The following GMDS variants were observed in gnomAD, a reference collection of about 807,000 sequenced individuals.
GMDS encodes the protein GDP-mannose 4,6 dehydratase.
GMDS carries 20 observed loss-of-function variants against 49.9 expected under a neutral mutation model. The observed-to-expected ratio is 0.40, with a 90% CI of 0.28 to 0.58. The LOEUF (loss-of-function observed/expected upper bound fraction) is 0.58, where lower values mean the gene tolerates loss of function less well. Among genes scored for constraint, GMDS ranks in the 20% least tolerant of loss-of-function variants. The pLI is 0.42. For synonymous variants in GMDS, 177 were observed against 178.6 expected, an observed-to-expected ratio of 0.99 and a Z score of 0.07; for missense variants, 362 against 481.4, an observed-to-expected ratio of 0.75 and a Z score of 2.32.
intron 4 of GMDS, among the ~76,000 whole-genome samples, chr6:1,963,366 T>A (rs1334022689): frequency 6.6e-6 from 1 of 152,214 alleles, no homozygotes; most frequent in South Asian, 2.1e-4. Flanking sequence ...GTCTTTTCAC[T>A]TCTTACAGGT....
intron 7 of GMDS, among the ~76,000 whole-genome samples, chr6:1,747,230 T>G (rs3800034): frequency 0.42 from 64,467 of 151,844 alleles, 14,309 homozygotes; most frequent in East Asian, 0.65. Context: ...GCATGCCTTC[T>G]GTGGTGGGAT....
intron 4 of GMDS, among the ~76,000 whole-genome samples, chr6:2,065,418 A>T (rs542960711): frequency 6.6e-6 from 1 of 152,282 alleles, no homozygotes; most frequent in African/African-American, 2.4e-5. Context: ...ACAAAGCTGG[A>T]TGGAGAATGA....
At chr6:1,817,715 T>C (rs567260845) in intron 7 of GMDS, among the ~76,000 whole-genome samples, 2 of 152,290 alleles carry the variant, frequency 1.3e-5, no homozygotes, top group South Asian at 4.2e-4. Context: ...TGAAGCTGGG[T>C]CAGGAGCACC....
rs1767620177 is a variant in GMDS, at chr6:1,748,976, CTTA to C, written c.772-6393_772-6391del. 2.6e-5 allele frequency among the ~76,000 whole-genome samples: 4 copies of C among 152,270 alleles called. No individual in the cohort carries two copies. The Middle Eastern group carries it at 0.01, about 388-fold the overall frequency. ...TAGATTCTGGGGTAGTGCCTTTCTA[CTTA>C]TTATTATACTTGAACAAGGCTGGCT... On this transcript the variant is annotated intron_variant, in intron 7 of 10. Coordinates refer to ENST00000380815, the MANE Select transcript of GMDS (RefSeq NM_001500.4).
At chr6:1,700,426 G>A (rs1243455017) in intron 9 of GMDS, among the ~76,000 whole-genome samples, 1 of 152,162 alleles carries the variant, frequency 6.6e-6, no homozygotes, top group Admixed American at 6.5e-5. Context: ...ACTGAAAGCA[G>A]GAGGGAAGGG....
intron 1 of GMDS, among the ~76,000 whole-genome samples, chr6:2,215,420 G>A (rs1780281443): frequency 6.6e-6 from 1 of 152,034 alleles, no homozygotes; most frequent in Admixed American, 6.6e-5. Flanking sequence ...AAGCAAAAGG[G>A]TTTCCCTTTA....
chr6:1,846,213 C>T (rs1303517117), intron 7 of GMDS, among the ~76,000 whole-genome samples: 1 of 152,000 alleles, frequency 6.6e-6, no homozygotes, highest in Non-Finnish European at 1.5e-5. Context: ...CCACCACAGC[C>T]TCCCAAGTAG....
chr6:2,161,557 TG>T (rs1460417147), intron 1 of GMDS, among the ~76,000 whole-genome samples: 8 of 152,236 alleles, frequency 5.3e-5, no homozygotes, highest in Non-Finnish European at 1.0e-4. Flanking sequence ...TGTTTCAATT[TG>T]GGTGTACTTG....
At chr6:1,880,738 A>G (rs1402276958) in intron 7 of GMDS, among the ~76,000 whole-genome samples, 3 of 152,230 alleles carry the variant, frequency 2.0e-5, no homozygotes, top group Non-Finnish European at 4.4e-5. Flanking sequence ...ACTAACCTCC[A>G]TTAATATACT....
chr6:1,748,392 TA>T (rs1346427680), intron 7 of GMDS, among the ~76,000 whole-genome samples: 1 of 152,230 alleles, frequency 6.6e-6, no homozygotes, highest in Non-Finnish European at 1.5e-5. Flanking sequence ...ACCTCCGAGC[TA>T]ATCATTTTTG....
chr6:1,801,260 T>A (rs183288519), intron 7 of GMDS, among the ~76,000 whole-genome samples: 1 of 152,332 alleles, frequency 6.6e-6, no homozygotes, highest in Admixed American at 6.5e-5. Context: ...CATTTCCAGT[T>A]TGTTCATGAG....
At chr6:1,852,859 A>AC (rs1176391084) in intron 7 of GMDS, among the ~76,000 whole-genome samples, 1 of 151,852 alleles carries the variant, frequency 6.6e-6, no homozygotes, top group Non-Finnish European at 1.5e-5. Flanking sequence ...GGCATGCGCC[A>AC]CCACGCCCGG....
chr6:2,053,848 T>TA (rs960934428), intron 4 of GMDS, among the ~76,000 whole-genome samples: 1 of 152,106 alleles, frequency 6.6e-6, no homozygotes, highest in Admixed American at 6.5e-5. Context: ...AGGTTAACAT[T>TA]ATGTTAACTA....
chr6:1,835,351 C>T (rs1008257461), intron 7 of GMDS, among the ~76,000 whole-genome samples: 5 of 152,122 alleles, frequency 3.3e-5, no homozygotes, highest in African/African-American at 4.8e-5. Flanking sequence ...TGGAAGGAGG[C>T]GGCTTTGCTC....
rs371741847 is a variant in GMDS, at chr6:1,944,374, G to A, written c.644-14144C>T. Among the ~76,000 whole-genome samples, 222 of 152,182 alleles carry A rather than the reference G, an allele frequency of 1.5e-3. 1 individual carries two copies. The highest frequency in any genetic ancestry group is 2.6e-3 in the Admixed American group (40 of 15,278). ...ACAAAAATTAGACAGGCGTGGTGGC[G>A]GGCGCCTGTAGTCCCAGCTGCTCGG... is the stretch of plus-strand genomic sequence containing the variant. On this transcript the variant is annotated intron_variant, in intron 6 of 10. Coordinates refer to ENST00000380815, the MANE Select transcript of GMDS (RefSeq NM_001500.4).
chr6:1,786,587 C>T (rs1251225258), intron 7 of GMDS, among the ~76,000 whole-genome samples: 5 of 152,162 alleles, frequency 3.3e-5, no homozygotes, highest in Admixed American at 6.5e-5. Context: ...ATGGTTCAGG[C>T]ACTACCTGGA....
Position 2,007,246 on chromosome 6 carries a change from T to C in GMDS, c.346-46280A>G, listed in dbSNP as rs116515750. Among the ~76,000 whole-genome samples the C allele has an allele frequency of 6.1e-3, 934 of 152,322 alleles. 13 individuals are homozygous for C. Among genetic ancestry groups the C allele is most frequent in the African/African-American group, 0.021 (885 of 41,570 alleles). ...TAGGAGCTGTGTGTGTGTGTGCATC[T>C]GTGTAACACAAAGTGTGTTACTGAA... On this transcript the variant is annotated intron_variant, in intron 4 of 10. Transcript: ENST00000380815.
chr6:2,072,038 G>C (rs1049714543), intron 4 of GMDS, among the ~76,000 whole-genome samples: 2 of 152,202 alleles, frequency 1.3e-5, no homozygotes, highest in African/African-American at 4.8e-5. Flanking sequence ...ATGTGAGTAA[G>C]AGGGTTCTTG....
intron 4 of GMDS, among the ~76,000 whole-genome samples, chr6:1,977,657 T>C (rs972229795): frequency 2.6e-5 from 4 of 152,292 alleles, no homozygotes; most frequent in Admixed American, 1.3e-4. Flanking sequence ...AGGGGCATCA[T>C]GGAGGCAAGG....
Sources: allele counts gnomAD v4.1 joint callset (sites outside exome capture counted in the v4.1 genomes callset), GRCh38; gene constraint gnomAD v4.1.1; transcripts MANE v1.5; gene names NCBI Gene and HGNC (gene_info 2026-07-23, HGNC 2026-07-21).